The following DDX46 variants were observed in gnomAD, a reference collection of about 807,000 sequenced individuals.
DDX46 encodes DEAD-box helicase 46, also known as probable ATP-dependent RNA helicase DDX46.
DDX46 carries 30 observed loss-of-function variants against 134.9 expected under a neutral mutation model. The observed-to-expected ratio is 0.22, with a 90% CI of 0.17 to 0.30. The LOEUF is 0.30. DDX46 is among the 10% of genes least tolerant of loss of function. The pLI, the probability that DDX46 is intolerant of heterozygous loss-of-function variation, is 1.00. For missense variants in DDX46, 622 were observed against 1,248.7 expected (o/e 0.50, Z 7.56); for synonymous variants, 415 against 404.1 (o/e 1.03, Z -0.32).
chr5:134,803,194 A>T (rs1754883383), intron 15 of DDX46, among the ~76,000 whole-genome samples: 1 of 152,034 alleles, frequency 6.6e-6, no homozygotes, highest in African/African-American at 2.4e-5. Context: ...GGGTTTCACC[A>T]TGTTGGCCAG....
At chr5:134,795,188 G>A (rs1754614128) in intron 14 of DDX46, among the ~76,000 whole-genome samples, 174 bp downstream of exon 14, 1 of 150,504 alleles carries the variant, frequency 6.6e-6, no homozygotes, top group Non-Finnish European at 1.5e-5. Context: ...GTTCCACGGA[G>A]CTATTTAAAA....
intron 14 of DDX46, among the ~76,000 whole-genome samples, chr5:134,795,725 T>A (rs923213981): frequency 1.3e-5 from 2 of 152,190 alleles, no homozygotes; most frequent in African/African-American, 4.8e-5. Context: ...AAATGTTACA[T>A]ATCTATTTTA....
At chr5:134,780,532 C>G (rs985938222) in intron 6 of DDX46, among the ~76,000 whole-genome samples, 1 of 148,482 alleles carries the variant, frequency 6.7e-6, no homozygotes, top group South Asian at 2.1e-4. Context: ...CCATTGCACT[C>G]CAGCCTGGGT....
At chr5:134,812,430 C>T (rs982664146) in intron 18 of DDX46, among the ~76,000 whole-genome samples, 5 of 152,058 alleles carry the variant, frequency 3.3e-5, no homozygotes, top group Admixed American at 6.6e-5. Context: ...CCCCAACATA[C>T]CTGATCTCAG....
rs28814900 is a variant in DDX46, at chr5:134,821,617, C to T, written c.2977+2613C>T. Among the ~76,000 whole-genome samples, 701 of 150,500 alleles carry T rather than the reference C, an allele frequency of 4.7e-3. 5 individuals carry two copies. The highest frequency in any genetic ancestry group is 0.014 in the African/African-American group (588 of 40,814). On this transcript the variant is annotated intron_variant, in intron 21 of 22. Transcript: ENST00000452510. ...GCGCAATTTCGGCTCACTGCAACGG[C>T]GCAATTTTGGCTCACTGCAACCTCT... is the stretch of plus-strand genomic sequence containing the variant.
chr5:134,761,151 G>A (rs1008189673), intron 1 of DDX46, among the ~76,000 whole-genome samples: 1 of 152,060 alleles, frequency 6.6e-6, no homozygotes, highest in Admixed American at 6.6e-5. Flanking sequence ...TCAGCCTCCC[G>A]AATAGCTGGG....
chr5:134,805,721 C>T (rs955044433), intron 15 of DDX46, among the ~76,000 whole-genome samples: 3 of 151,454 alleles, frequency 2.0e-5, no homozygotes, highest in African/African-American at 7.3e-5. Context: ...TTAGAAGAGA[C>T]AGGGTTTCAC....
At chr5:134,796,708 C>A (rs1754663791) in intron 15 of DDX46, among the ~76,000 whole-genome samples, 1 of 151,746 alleles carries the variant, frequency 6.6e-6, no homozygotes, top group Non-Finnish European at 1.5e-5. Context: ...TAAAACTTAG[C>A]TGGGCATGGT....
chr5:134,818,195 G>A (rs543057549), intron 20 of DDX46, among the ~76,000 whole-genome samples: 1 of 151,474 alleles, frequency 6.6e-6, no homozygotes, highest in Non-Finnish European at 1.5e-5. Context: ...CCGACCTCAG[G>A]TCATCTGCCC....
At chr5:134,783,378 C>A (rs980184931) in intron 9 of DDX46, among the ~76,000 whole-genome samples, 2 of 148,412 alleles carry the variant, frequency 1.3e-5, no homozygotes, top group Non-Finnish European at 3.0e-5. Context: ...CTCAGCCTTC[C>A]GAGTAGCTGA....
intron 21 of DDX46, among the ~76,000 whole-genome samples, chr5:134,821,018 C>G (rs116218324): frequency 0.051 from 7,738 of 150,400 alleles, 282 homozygotes; most frequent in Middle Eastern, 0.1. Context: ...GGTGCCCCCC[C>G]GCCACACCTA....
chr5:134,827,420 G>A (rs954098440), intron 22 of DDX46, among the ~76,000 whole-genome samples: 2 of 151,954 alleles, frequency 1.3e-5, no homozygotes, highest in African/African-American at 2.4e-5. Context: ...GATTACAGGC[G>A]CACACCACCG....
chr5:134,784,037 C>A (rs946280585), intron 9 of DDX46, among the ~76,000 whole-genome samples: 5 of 152,010 alleles, frequency 3.3e-5, no homozygotes, highest in Admixed American at 2.6e-4. Context: ...CATTAGTAGT[C>A]AGTCTTCTCC....
chr5:134,812,448 T>C (rs1296092816), intron 18 of DDX46, among the ~76,000 whole-genome samples: 1 of 152,126 alleles, frequency 6.6e-6, no homozygotes, highest in Non-Finnish European at 1.5e-5. Context: ...CAGAACACTT[T>C]TGGACATATC....
At position 134,803,918 on chromosome 5, in the gene DDX46, C is replaced by CTT. The variant is rs201944776; in HGVS notation, c.1955-3807_1955-3806dup. ...AGAATGACAAGTGATGATGATTCTT[C>CTT]TTTTTTTTTTTTTTTTTTTTTTTTG... On this transcript the variant is annotated intron_variant, in intron 15 of 22. Transcript: ENST00000452510. Among the ~76,000 whole-genome samples the CTT allele has an allele frequency of 9.1e-3, 862 of 94,616 alleles. 2 individuals are homozygous for CTT. The highest frequency in any genetic ancestry group is 0.014 in the Middle Eastern group (2 of 140). The allele number at this position is 94,616 out of a possible 152,430, so 62.1% of individuals were successfully genotyped here. A position where few individuals can be genotyped will look rare whatever the true frequency, so the allele number is the denominator to read the frequency against.
chr5:134,812,386 C>T (rs963730738), intron 18 of DDX46, among the ~76,000 whole-genome samples: 49 of 151,930 alleles, frequency 3.2e-4, no homozygotes, highest in African/African-American at 1.1e-3. Flanking sequence ...AAGTCTTTAA[C>T]GAATCTTGTT....
intron 5 of DDX46, among the ~76,000 whole-genome samples, chr5:134,775,219 G>A (rs1753897585): frequency 1.3e-5 from 2 of 152,086 alleles, no homozygotes; most frequent in African/African-American, 4.8e-5. Flanking sequence ...CTTTCTCAGT[G>A]TTGGGATTAC....
In DDX46 at chr5:134,828,817, A is replaced by AT. The variant is rs900614052; in HGVS notation, c.*119dup. 37 of 784,202 alleles carry AT rather than the reference A, an allele frequency of 4.7e-5. No homozygotes were observed. Among genetic ancestry groups the AT allele is most frequent in the Middle Eastern group, 2.9e-4 (1 of 3,398 alleles). 48.6% of individuals were successfully genotyped at this position (784,202 alleles called of 1,614,324 possible). Reference sequence around the variant, plus strand: ...AGATTTTTTAAATTCTATCTTGCTGATTTTTTTTAAATATAAGAAACTGGT... The same window carrying AT: ...AGATTTTTTAAATTCTATCTTGCTGATTTTTTTTTAAATATAAGAAACTGGT... On this transcript the variant is annotated 3_prime_UTR_variant, in exon 23 of 23. Transcript: ENST00000452510.
chr5:134,772,099 C>T (rs1421608135), intron 4 of DDX46, among the ~76,000 whole-genome samples: 2 of 152,098 alleles, frequency 1.3e-5, no homozygotes, highest in Non-Finnish European at 2.9e-5. Flanking sequence ...GGCGTGATGG[C>T]GCATGCCTGT....
Sources: allele counts gnomAD v4.1 joint callset (sites outside exome capture counted in the v4.1 genomes callset), GRCh38; gene constraint gnomAD v4.1.1; transcripts MANE v1.5; gene names NCBI Gene and HGNC (gene_info 2026-07-23, HGNC 2026-07-21).